CDK6: variants seen among roughly 807,000 people sequenced by gnomAD.
CDK6 encodes cyclin-dependent kinase 6.
A neutral mutation model predicts 37.1 loss-of-function variants in CDK6; 6 were observed. The observed-to-expected ratio is 0.16, with a 90% CI of 0.09 to 0.32. The LOEUF (loss-of-function observed/expected upper bound fraction) is 0.32, where lower values mean the gene tolerates loss of function less well. CDK6 is among the 10% of genes least tolerant of loss of function. The pLI is 1.00. For missense variants in CDK6, 224 were observed against 418.9 expected, an observed-to-expected ratio of 0.53 and a Z score of 4.06; for synonymous variants, 160 against 161.3, an observed-to-expected ratio of 0.99 and a Z score of 0.06.
chr7:92,641,487 C>A (rs1228593081), intron 5 of CDK6, among the ~76,000 whole-genome samples: 2 of 152,028 alleles, frequency 1.3e-5, no homozygotes, highest in African/African-American at 4.8e-5. Context: ...CTGGTATGTT[C>A]CCATATTTTT....
intron 4 of CDK6, among the ~76,000 whole-genome samples, chr7:92,717,648 A>G (rs1460626690): frequency 2.6e-5 from 4 of 152,234 alleles, no homozygotes; most frequent in African/African-American, 9.6e-5. Flanking sequence ...AACATCCTCC[A>G]GGCAGTAGCA....
chr7:92,656,840 T>C (rs1796710077), intron 5 of CDK6, among the ~76,000 whole-genome samples: 1 of 152,178 alleles, frequency 6.6e-6, no homozygotes, highest in African/African-American at 2.4e-5. Context: ...CATAAAACTT[T>C]CATTCCAGAG....
At chr7:92,640,394 G>C (rs1750092249) in intron 5 of CDK6, among the ~76,000 whole-genome samples, 1 of 152,132 alleles carries the variant, frequency 6.6e-6, no homozygotes, top group Admixed American at 6.5e-5. Flanking sequence ...CAGCTGATAG[G>C]ATTTTTCAAT....
rs2116477070 is a variant in CDK6, at chr7:92,615,214, G to C, written c.907C>G (p.Leu303Val). The C allele has an allele frequency of 6.2e-7, 1 of 1,614,150 alleles. No individual in the cohort carries two copies. Among genetic ancestry groups the C allele is most frequent in the South Asian group, 1.1e-5 (1 of 91,078 alleles). The change falls in exon 8 of 8, where the codon CTG (leucine) becomes GTG (valine). Residue 303 changes from leucine to valine, a missense_variant. This residue lies in a region of CDK6 where 90 missense variants were observed against 136.2 expected (regional missense o/e 0.66). Coordinates refer to ENST00000424848, the MANE Select transcript of CDK6 (RefSeq NM_001145306.2). ...SALSHPYFQD[L>V]ERCKENLDSH... ...TCCAGGTTTTCTTTGCACCTTTCCA[G>C]GTCCTGGAAGTATGGGTGAGACAGG...
At chr7:92,631,921 A>G (rs1796062114) in intron 5 of CDK6, among the ~76,000 whole-genome samples, 1 of 152,212 alleles carries the variant, frequency 6.6e-6, no homozygotes, top group Non-Finnish European at 1.5e-5. Flanking sequence ...CAACATTGAT[A>G]CAAGGAATAA....
At position 92,609,205 on chromosome 7, in the gene CDK6, G is replaced by A. The variant is rs1795506647; in HGVS notation, c.*5935C>T. Reference sequence around the variant, plus strand: ...TCAAAAGGAATAAGCTGCTTTCTGTGGTGCTGTGCTAAGGAAACTGAAAAA... The same window carrying A: ...TCAAAAGGAATAAGCTGCTTTCTGTAGTGCTGTGCTAAGGAAACTGAAAAA... On this transcript the variant is annotated 3_prime_UTR_variant, in exon 8 of 8. Coordinates refer to ENST00000424848, the MANE Select transcript of CDK6 (RefSeq NM_001145306.2). The A allele has an allele frequency of 4.3e-6, 1 of 232,668 alleles. No individual in the cohort carries two copies. The highest frequency in any genetic ancestry group is 2.2e-5 in the African/African-American group (1 of 45,260). The allele number at this position is 232,668 out of a possible 1,614,324, so 14.4% of individuals were successfully genotyped here. A position where few individuals can be genotyped will look rare whatever the true frequency, so the allele number is the denominator to read the frequency against.
chr7:92,745,024 A>G (rs915605712), intron 3 of CDK6, among the ~76,000 whole-genome samples: 1 of 152,174 alleles, frequency 6.6e-6, no homozygotes, highest in Non-Finnish European at 1.5e-5. Context: ...TGATGTTTTG[A>G]TAAATGTATA....
intron 7 of CDK6, 141 bp from the exon 8 acceptor site, chr7:92,615,427 T>A: frequency 2.9e-6 from 2 of 681,644 alleles, no homozygotes; most frequent in Non-Finnish European, 5.0e-6. Context: ...GGACACTAAA[T>A]AATATGGAGA....
intron 3 of CDK6, among the ~76,000 whole-genome samples, chr7:92,773,464 C>A (rs1799769889): frequency 1.3e-5 from 2 of 152,174 alleles, no homozygotes; most frequent in South Asian, 4.1e-4. Flanking sequence ...GGACTATGCC[C>A]TGCTCTGCAT....
At chr7:92,795,162 C>T (rs747917625) in intron 2 of CDK6, among the ~76,000 whole-genome samples, 1 of 151,902 alleles carries the variant, frequency 6.6e-6, no homozygotes, top group Non-Finnish European at 1.5e-5. Context: ...TGTCGTTTTT[C>T]CCCTCATGCT....
chr7:92,783,961 C>A (rs1050205687), intron 2 of CDK6, among the ~76,000 whole-genome samples: 22 of 152,094 alleles, frequency 1.4e-4, no homozygotes, highest in African/African-American at 4.6e-4. Flanking sequence ...GCACTACAGG[C>A]ACTTCTACGT....
chr7:92,686,974 TG>T lies in CDK6; in HGVS notation c.538-15440del, dbSNP rs551892343. Among the ~76,000 whole-genome samples, 166 of 152,320 alleles carry T rather than the reference TG, an allele frequency of 1.1e-3. 4 individuals carry two copies. The South Asian group carries it at 0.019, about 17-fold the overall frequency. On this transcript the variant is annotated intron_variant, in intron 4 of 7. Transcript: ENST00000424848. ...GCCCACTTTTTCAAAGGAATGTTTG[TG>T]GTTTTTTTCTTGCTGATTTTGTTTG...
rs777062207 is a variant in CDK6 at position 92,774,797 on chromosome 7, T to G, written c.268A>C (p.Arg90=). 1 of 1,612,710 alleles carries G rather than the reference T, an allele frequency of 6.2e-7. No individual in the cohort carries two copies. The highest frequency in any genetic ancestry group is 8.5e-7 in the Non-Finnish European group (1 of 1,179,504). ...FDVCTVSRTD[R]ETKLTLVFEH... ...AACACTAAAGTTAGTTTGGTTTCTC[T>G]GTCTGTTCGTGACACTGTGCACACA... Residue 90 remains arginine, a synonymous_variant, in exon 3 of 8, where the codon AGA becomes CGA. Transcript: ENST00000424848.
chr7:92,717,385 G>T (rs1270811556), intron 4 of CDK6, among the ~76,000 whole-genome samples: 2 of 132,070 alleles, frequency 1.5e-5, no homozygotes, highest in African/African-American at 5.5e-5. Context: ...AGGAGAAGGG[G>T]AAAGGAAAGG....
intron 3 of CDK6, among the ~76,000 whole-genome samples, chr7:92,731,049 T>C (rs2115580637): frequency 6.6e-6 from 1 of 152,314 alleles, no homozygotes; most frequent in Non-Finnish European, 1.5e-5. Context: ...CTTGATTCAC[T>C]CCTTGGAGAT....
intron 2 of CDK6, among the ~76,000 whole-genome samples, chr7:92,819,227 C>G (rs1480834449): frequency 6.6e-6 from 1 of 152,036 alleles, no homozygotes; most frequent in Non-Finnish European, 1.5e-5. Flanking sequence ...GGAAAATGAA[C>G]TACTCAAACA....
intron 2 of CDK6, among the ~76,000 whole-genome samples, chr7:92,799,198 C>A (rs1322666960): frequency 6.6e-6 from 1 of 152,192 alleles, no homozygotes; most frequent in East Asian, 1.9e-4. Context: ...TTGTGCTACA[C>A]TTTCTCACTC....
chr7:92,777,371 C>T (rs912819182), intron 2 of CDK6, among the ~76,000 whole-genome samples: 4 of 152,156 alleles, frequency 2.6e-5, no homozygotes, highest in African/African-American at 9.7e-5. Flanking sequence ...ACTCCCAACC[C>T]GAGTGGCTGG....
chr7:92,649,451 C>T (rs1186202813), intron 5 of CDK6, among the ~76,000 whole-genome samples: 2 of 152,156 alleles, frequency 1.3e-5, no homozygotes, highest in African/African-American at 4.8e-5. Flanking sequence ...CCATCTTCAC[C>T]TGGGGGGATC....
Sources: gnomAD v4.1 joint callset for allele counts (sites outside exome capture counted in the v4.1 genomes callset) on GRCh38, gnomAD v4.1.1 for gene constraint, gnomAD v4.1.1 regional missense constraint, MANE v1.5 for transcripts, NCBI Gene and HGNC (gene_info 2026-07-23, HGNC 2026-07-21) for gene names.